The following EVC2 variants were observed in gnomAD, a reference collection of about 807,000 sequenced individuals.
The protein encoded by EVC2 is limbin.
EVC2 carries 148 observed loss-of-function variants against 149.3 expected under a neutral mutation model. The observed-to-expected ratio is 0.99, with a 90% CI of 0.87 to 1.14. The LOEUF (loss-of-function observed/expected upper bound fraction) is 1.14. Ranked by LOEUF, EVC2 falls within the 50% of genes most tolerant of loss-of-function variation. EVC2 has a pLI of 0.00. For missense variants in EVC2, 1,854 were observed against 1,627.3 expected (o/e 1.14, Z -2.40); for synonymous variants, 776 against 649.9 (o/e 1.19, Z -2.95).
intron 19 of EVC2, among the ~76,000 whole-genome samples, chr4:5,573,256 AG>A (rs1186185764): frequency 1.3e-5 from 2 of 151,804 alleles, no homozygotes; most frequent in South Asian, 2.1e-4. Context: ...GAGTAAGGTC[AG>A]GGGCCTTGAG....
At chr4:5,615,659 A>C in intron 15 of EVC2, 115 bp from the exon 16 acceptor site, 3 of 1,478,016 alleles carry the variant, frequency 2.0e-6, no homozygotes, top group Non-Finnish European at 2.8e-6. Flanking sequence ...GAACTGCAAA[A>C]CTCTGCCTTA....
At chr4:5,630,635 C>T (rs1716463687) in intron 11 of EVC2, among the ~76,000 whole-genome samples, 1 of 152,110 alleles carries the variant, frequency 6.6e-6, no homozygotes, top group South Asian at 2.1e-4. Context: ...GCTCAAGAAG[C>T]ACAGTGATGC....
In EVC2 at chr4:5,613,310, C is replaced by T. The variant is rs1255725003; in HGVS notation, c.2829+2112G>A. Among the ~76,000 whole-genome samples, 1 of 152,190 alleles carries T rather than the reference C, an allele frequency of 6.6e-6. No homozygotes were observed. The highest frequency in any genetic ancestry group is 6.5e-5 in the Admixed American group (1 of 15,288). On this transcript the variant is annotated intron_variant, in intron 16 of 21. Transcript: ENST00000344408. This position sits in a 1 kb window ranked among gnomAD's most constrained non-coding sequence, Gnocchi z 4.6. ...GTGGCCTCCAGCACAGTCCAGGATACCCATTCCCTCTGCCAAACCAAACCC... is the reference window on the plus strand; with the variant it reads ...GTGGCCTCCAGCACAGTCCAGGATATCCATTCCCTCTGCCAAACCAAACCC...
At chr4:5,643,546 T>C (rs1018877906) in intron 9 of EVC2, among the ~76,000 whole-genome samples, 1 of 152,238 alleles carries the variant, frequency 6.6e-6, no homozygotes, top group Non-Finnish European at 1.5e-5. Context: ...CTCATGTCAA[T>C]TTAATTCTTG....
At position 5,615,681 on chromosome 4, in the gene EVC2, G is replaced by A. The variant is rs74366739; in HGVS notation, c.2707-137C>T. The A allele has an allele frequency of 8.5e-3, 10,377 of 1,226,978 alleles. 574 individuals are homozygous for A. The African/African-American group carries it at 0.13, about 16-fold the overall frequency. 76.0% of individuals were successfully genotyped at this position (1,226,978 alleles called of 1,614,324 possible). On this transcript the variant is annotated intron_variant, in intron 15 of 21. Coordinates refer to ENST00000344408, the MANE Select transcript of EVC2 (RefSeq NM_147127.5). ...AAAACTCTGCCTTAGGCCAGAGAGG[G>A]GAGGAGAGAGGTATGTTCTTCTGGA...
chr4:5,690,726 C>T (rs113335059), intron 4 of EVC2, among the ~76,000 whole-genome samples: 2 of 152,106 alleles, frequency 1.3e-5, no homozygotes, highest in Non-Finnish European at 2.9e-5. Flanking sequence ...CATGCCTGGT[C>T]TCTCCTGGGC....
At chr4:5,560,686 AAAAT>A (rs1242923158), downstream of EVC2, among the ~76,000 whole-genome samples, 2 of 152,210 alleles carry the variant, frequency 1.3e-5, no homozygotes, top group Non-Finnish European at 2.9e-5. This position sits in a 1 kb window ranked among gnomAD's most constrained non-coding sequence, Gnocchi z 4.1. Context: ...AAAATATAAT[AAAAT>A]AAATAAGCTA....
At chr4:5,629,947 G>A (rs1054335064) in intron 11 of EVC2, among the ~76,000 whole-genome samples, 7 of 152,184 alleles carry the variant, frequency 4.6e-5, no homozygotes, top group Admixed American at 6.5e-5. Flanking sequence ...GTTACTTTCT[G>A]GCATAATATC....
intron 16 of EVC2, among the ~76,000 whole-genome samples, chr4:5,593,899 C>G (rs1039116819): frequency 6.6e-6 from 1 of 152,232 alleles, no homozygotes; most frequent in Non-Finnish European, 1.5e-5. Context: ...GCTTAAAAAA[C>G]GACGCACCAG....
intron 10 of EVC2, among the ~76,000 whole-genome samples, chr4:5,635,159 C>T (rs1716812060): frequency 6.6e-6 from 1 of 151,282 alleles, no homozygotes; most frequent in African/African-American, 2.4e-5. Context: ...GGCTCAGCCT[C>T]CCAAGCGGCT....
At chr4:5,594,035 C>G (rs527934161) in intron 16 of EVC2, among the ~76,000 whole-genome samples, 176 of 152,304 alleles carry the variant, frequency 1.2e-3, no homozygotes, top group Non-Finnish European at 1.7e-3. Context: ...CCCGCCATTG[C>G]CCAGGCTTGC....
intron 21 of EVC2, among the ~76,000 whole-genome samples, chr4:5,563,991 G>C (rs1163715780): frequency 6.6e-6 from 1 of 151,958 alleles, no homozygotes; most frequent in South Asian, 2.1e-4. Context: ...TGATCGTGAC[G>C]ACCACCAAGA....
At chr4:5,612,975 G>C (rs1714969581) in intron 16 of EVC2, among the ~76,000 whole-genome samples, 1 of 151,400 alleles carries the variant, frequency 6.6e-6, no homozygotes, top group Non-Finnish European at 1.5e-5. Context: ...CAGAGCAGGA[G>C]GAGACGAGGT....
chr4:5,639,037 G>A, intron 10 of EVC2, among the ~76,000 whole-genome samples: 1 of 152,184 alleles, frequency 6.6e-6, no homozygotes, highest in East Asian at 1.9e-4. Context: ...GAAGGCAAGG[G>A]AGGCCCCAGG....
the EVC2 span, among the ~76,000 whole-genome samples, chr4:5,529,159 A>G: frequency 6.6e-6 from 1 of 152,078 alleles, no homozygotes; most frequent in Non-Finnish European, 1.5e-5. The surrounding 1 kb of genome is among the most constrained non-coding windows in gnomAD (Gnocchi z 4.5). Flanking sequence ...CATCCCTTTC[A>G]GAAATCTATG....
rs554268078 is a variant in EVC2 at position 5,640,929 on chromosome 4, G to A, written c.1146-91C>T. The stretch of plus-strand genomic sequence containing the variant: ...AAAGCTCTGAGGTTTTCATTTATGT[G>A]TAGGCAAGGGCTTTCTTCGTCTTCC... On this transcript the variant is annotated intron_variant, in intron 9 of 21. Transcript: ENST00000344408. This position sits in a 1 kb window ranked among gnomAD's most constrained non-coding sequence, Gnocchi z 4.6. 27 of 1,425,290 alleles carry A rather than the reference G, an allele frequency of 1.9e-5. No homozygotes were observed. The South Asian group carries it at 2.8e-4, about 15-fold the overall frequency. The allele number at this position is 1,425,290 out of a possible 1,614,324, so 88.3% of individuals were successfully genotyped here.
intron 16 of EVC2, among the ~76,000 whole-genome samples, chr4:5,597,742 A>G (rs984131765): frequency 2.2e-5 from 3 of 136,868 alleles, no homozygotes; most frequent in Non-Finnish European, 4.7e-5. Flanking sequence ...AGAAGGAAAT[A>G]AAGGGTATTC....
chr4:5,594,290 GA>G (rs989432147), intron 16 of EVC2, among the ~76,000 whole-genome samples: 13 of 152,316 alleles, frequency 8.5e-5, no homozygotes, highest in African/African-American at 2.9e-4. Flanking sequence ...CCTGACCCCT[GA>G]CCCCCGAGCA....
At chr4:5,619,294 T>C (rs78920708) in intron 14 of EVC2, among the ~76,000 whole-genome samples, 6,692 of 152,238 alleles carry the variant, frequency 0.044, 471 homozygotes, top group African/African-American at 0.15. Flanking sequence ...TTTACAAATG[T>C]AATTAAGAAG....
Sources: allele counts gnomAD v4.1 joint callset (sites outside exome capture counted in the v4.1 genomes callset), GRCh38; gene constraint gnomAD v4.1.1; non-coding constraint Gnocchi (gnomAD v3.1); transcripts MANE v1.5; gene names NCBI Gene and HGNC (gene_info 2026-07-23, HGNC 2026-07-21).